The following CSMD1 variants were observed in gnomAD, a reference collection of about 807,000 sequenced individuals.
CSMD1 encodes CUB and sushi domain-containing protein 1.
In CSMD1, 213 loss-of-function variants were observed where a neutral mutation model predicts 417.5. That is an observed-to-expected ratio of 0.51 (90% CI 0.46 to 0.57). The LOEUF (loss-of-function observed/expected upper bound fraction) is 0.57, where lower values mean the gene tolerates loss of function less well. Ranked by LOEUF, CSMD1 falls within the 20% of genes least tolerant of loss-of-function variation. CSMD1 has a pLI of 0.00. For missense variants in CSMD1, 6,923 were observed against 4,529.7 expected, an observed-to-expected ratio of 1.53 and a Z score of -15.17; for synonymous variants, 2,862 against 1,736.8, an observed-to-expected ratio of 1.65 and a Z score of -16.11.
intron 1 of CSMD1, among the ~76,000 whole-genome samples, chr8:4,660,357 A>AT (rs148022000): frequency 0.091 from 13,867 of 152,098 alleles, 1,105 homozygotes; most frequent in African/African-American, 0.22. Context: ...CACATACAGG[A>AT]TGTGTTTGCT....
intron 6 of CSMD1, among the ~76,000 whole-genome samples, chr8:3,712,267 C>G (rs1801557640): frequency 6.6e-6 from 1 of 152,144 alleles, no homozygotes; most frequent in Non-Finnish European, 1.5e-5. Context: ...CTTCTCCCCA[C>G]ACGTTTTTTG....
At chr8:3,107,844 C>A (rs371129922) in intron 44 of CSMD1, 46 bp from the exon 45 acceptor site, 1 of 1,198,484 alleles carries the variant, frequency 8.3e-7, no homozygotes, top group African/African-American at 1.6e-5. Flanking sequence ...ATTACACTTG[C>A]TGAATAAACA....
intron 4 of CSMD1, among the ~76,000 whole-genome samples, chr8:4,003,950 C>T (rs375426188): frequency 2.1e-5 from 3 of 140,624 alleles, no homozygotes; most frequent in African/African-American, 7.8e-5. Context: ...CAGAACAAAA[C>T]AAAAAAACCA....
chr8:4,127,446 C>T (rs1157888684), intron 3 of CSMD1, among the ~76,000 whole-genome samples: 5 of 104,662 alleles, frequency 4.8e-5, no homozygotes, highest in Non-Finnish European at 7.2e-5. Context: ...GTTTTCCAAG[C>T]ATTAATGAAA....
chr8:3,354,798 ACTCT>A (rs760507934), intron 21 of CSMD1, among the ~76,000 whole-genome samples: 24 of 91,812 alleles, frequency 2.6e-4, no homozygotes, highest in African/African-American at 2.1e-4. Flanking sequence ...ATATCACTAA[ACTCT>A]CTCTCTCTCT....
chr8:3,205,717 T>A lies in CSMD1; in HGVS notation c.4868-97A>T, dbSNP rs1797215137. 3 of 512,826 alleles carry A rather than the reference T, an allele frequency of 5.8e-6. No individual in the cohort carries two copies. In the Admixed American group the frequency reaches 1.2e-4, roughly 21 times the overall value. 31.8% of individuals were successfully genotyped at this position (512,826 alleles called of 1,614,324 possible). On this transcript the variant is annotated intron_variant, in intron 30 of 69. Coordinates refer to ENST00000635120, the MANE Select transcript of CSMD1 (RefSeq NM_033225.6). ...AACACATCAAACACGTGAGCACGTT[T>A]ATTGAAAACTTGACAAAATAAGAAG...
chr8:3,468,579 G>A (rs965025849), intron 12 of CSMD1, 133 bp downstream of exon 12: 1 of 593,392 alleles, frequency 1.7e-6, no homozygotes, highest in Non-Finnish European at 3.0e-6. Context: ...CTTTAAGGAA[G>A]TTCCCGTCAT....
intron 5 of CSMD1, among the ~76,000 whole-genome samples, chr8:3,763,811 C>A (rs1417032099): frequency 4.6e-5 from 7 of 152,174 alleles, no homozygotes. Flanking sequence ...CAGGTCCCTG[C>A]ATGCACACAT....
intron 2 of CSMD1, among the ~76,000 whole-genome samples, chr8:4,443,230 G>A (rs577211659): frequency 6.6e-6 from 1 of 152,236 alleles, no homozygotes; most frequent in South Asian, 2.1e-4. Context: ...TGTAATTAAT[G>A]TGTTTTAAGA....
At chr8:3,983,841 G>T (rs1037231990) in intron 5 of CSMD1, among the ~76,000 whole-genome samples, 1 of 151,928 alleles carries the variant, frequency 6.6e-6, no homozygotes, top group Non-Finnish European at 1.5e-5. Flanking sequence ...AGATCTGGCC[G>T]GCTGTCAATT....
intron 5 of CSMD1, among the ~76,000 whole-genome samples, chr8:3,802,667 C>G (rs1374478648): frequency 1.3e-5 from 2 of 152,156 alleles, no homozygotes; most frequent in African/African-American, 2.4e-5. Flanking sequence ...CTTTACTTCT[C>G]TACTCATGAC....
chr8:3,305,162 G>C (rs1804732689), intron 25 of CSMD1, among the ~76,000 whole-genome samples: 1 of 152,120 alleles, frequency 6.6e-6, no homozygotes, highest in Non-Finnish European at 1.5e-5. Flanking sequence ...TGGGATGACA[G>C]GTGTGAGCCG....
chr8:4,091,218 C>T (rs1171732646), intron 3 of CSMD1, among the ~76,000 whole-genome samples: 1 of 151,648 alleles, frequency 6.6e-6, no homozygotes, highest in Non-Finnish European at 1.5e-5. Flanking sequence ...CACGCCCTGC[C>T]AAAAGCAGTC....
At chr8:4,321,136 A>T (rs150306120) in intron 3 of CSMD1, among the ~76,000 whole-genome samples, 1 of 152,262 alleles carries the variant, frequency 6.6e-6, no homozygotes, top group African/African-American at 2.4e-5. Flanking sequence ...AGGCAGGAAG[A>T]GTGTCAAACC....
chr8:3,155,358 G>GTTT (rs763097673), intron 39 of CSMD1, among the ~76,000 whole-genome samples: 3 of 48,106 alleles, frequency 6.2e-5, no homozygotes, highest in South Asian at 2.0e-3. Context: ...TCAAGGCTGG[G>GTTT]ATTTTTTTTT....
intron 1 of CSMD1, among the ~76,000 whole-genome samples, chr8:4,805,156 C>G (rs139259200): frequency 1.3e-5 from 2 of 152,042 alleles, no homozygotes; most frequent in African/African-American, 4.8e-5. Context: ...TGTTTTTTCC[C>G]CCTGGATGTC....
chr8:3,045,544 C>T (rs559682327), intron 50 of CSMD1, among the ~76,000 whole-genome samples: 1 of 152,246 alleles, frequency 6.6e-6, no homozygotes, highest in Admixed American at 6.5e-5. Context: ...AAAATTAGGC[C>T]TTGTCCTTAA....
intron 1 of CSMD1, among the ~76,000 whole-genome samples, chr8:4,720,442 G>C (rs1475104757): frequency 6.6e-6 from 1 of 152,036 alleles, no homozygotes; most frequent in Non-Finnish European, 1.5e-5. Context: ...TTTTGAGATG[G>C]AGTCTTGCTC....
intron 3 of CSMD1, among the ~76,000 whole-genome samples, chr8:4,037,463 C>G (rs939703761): frequency 6.6e-6 from 1 of 152,180 alleles, no homozygotes; most frequent in African/African-American, 2.4e-5. Context: ...CAATGGTTTG[C>G]TTTTTTGTCT....
Sources: gnomAD v4.1 joint callset for allele counts (sites outside exome capture counted in the v4.1 genomes callset) on GRCh38, gnomAD v4.1.1 for gene constraint, MANE v1.5 for transcripts, NCBI Gene and HGNC (gene_info 2026-07-23, HGNC 2026-07-21) for gene names.